RGPD8: variants seen among roughly 807,000 people sequenced by gnomAD.
RGPD8 encodes RANBP2-like and GRIP domain-containing protein 8.
Under a neutral mutation model 89.1 loss-of-function variants are expected in RGPD8, and 15 were observed. That is an observed-to-expected ratio of 0.17 (90% CI 0.11 to 0.26). RGPD8 has a LOEUF of 0.26. RGPD8 is among the 10% of genes least tolerant of loss of function. The pLI, the probability that RGPD8 is intolerant of heterozygous loss-of-function variation, is 1.00. For synonymous variants in RGPD8, 62 were observed against 420.9 expected (o/e 0.15, Z 10.44); for missense variants, 178 against 1,179.6 (o/e 0.15, Z 12.44).
At chr2:112,410,941 T>C (rs1337126117) in intron 7 of RGPD8, among the ~76,000 whole-genome samples, 9 of 152,014 alleles carry the variant, frequency 5.9e-5, no homozygotes, top group Non-Finnish European at 1.3e-4. Flanking sequence ...CAAAATTAGA[T>C]GGGCGTGGTG....
At chr2:112,429,271 AT>A (rs1261540127) in intron 1 of RGPD8, among the ~76,000 whole-genome samples, 8 of 151,774 alleles carry the variant, frequency 5.3e-5, no homozygotes, top group African/African-American at 1.9e-4. Context: ...ATGCTAAAAA[AT>A]TAGCCGAGTG....
At chr2:112,431,919 C>T (rs984708776) in intron 1 of RGPD8, among the ~76,000 whole-genome samples, 5 of 152,214 alleles carry the variant, frequency 3.3e-5, no homozygotes, top group African/African-American at 1.2e-4. Context: ...GGATTACAGG[C>T]GTGAGCCACT....
chr2:112,425,330 T>C (rs989680757), intron 1 of RGPD8, among the ~76,000 whole-genome samples: 7 of 150,096 alleles, frequency 4.7e-5, no homozygotes, highest in African/African-American at 9.8e-5. Context: ...GTCCATGTAC[T>C]GTTCTCTCTA....
rs1255773058 is a variant in RGPD8, at chr2:112,391,714, T to C, written c.2603-645A>G. ...CCCATGTTAATGACAAAACTACCAA[T>C]AGTCATTTGCTTGAACTGTTTTATG... On this transcript the variant is annotated intron_variant, in intron 18 of 22. Transcript: ENST00000302558. 1.6e-5 allele frequency among the ~76,000 whole-genome samples: 2 copies of C among 127,378 alleles called. 1 individual carries two copies. Among genetic ancestry groups the C allele is most frequent in the Non-Finnish European group, 3.4e-5 (2 of 58,392 alleles). 83.6% of individuals were successfully genotyped at this position (127,378 alleles called of 152,430 possible).
chr2:112,377,279 A>AT (rs1678147596), intron 22 of RGPD8, among the ~76,000 whole-genome samples: 1 of 69,522 alleles, frequency 1.4e-5, no homozygotes, highest in Non-Finnish European at 2.6e-5. Context: ...ACTACATCAT[A>AT]GTTTTTTTTT....
chr2:112,420,260 T>C (rs1679528379), intron 4 of RGPD8, among the ~76,000 whole-genome samples: 1 of 46,634 alleles, frequency 2.1e-5, no homozygotes, highest in African/African-American at 9.8e-5. Flanking sequence ...ACTATGGATA[T>C]ACAAAACTTA....
chr2:112,370,746 C>G (rs1348774197), intron 22 of RGPD8, among the ~76,000 whole-genome samples: 2 of 135,136 alleles, frequency 1.5e-5, no homozygotes, highest in Non-Finnish European at 3.2e-5. Flanking sequence ...GTTGAGCCAA[C>G]TTAACAGCTA....
intron 2 of RGPD8, among the ~76,000 whole-genome samples, chr2:112,424,003 A>G (rs1445374965): frequency 6.6e-6 from 1 of 152,244 alleles, no homozygotes; most frequent in Non-Finnish European, 1.5e-5. Flanking sequence ...AAAGTGTTTT[A>G]AGCCAAACAA....
chr2:112,386,071 A>AT (rs1678474955), intron 20 of RGPD8: 1 of 122,818 alleles, frequency 8.1e-6, no homozygotes. Flanking sequence ...GCTAGGAGAA[A>AT]TAACAGTACA....
intron 1 of RGPD8, among the ~76,000 whole-genome samples, chr2:112,430,787 C>A (rs370792265): frequency 7.3e-5 from 11 of 151,684 alleles, no homozygotes; most frequent in African/African-American, 2.7e-4. Context: ...ATGGTAAGAC[C>A]CCGTCTCTAC....
chr2:112,420,169 CAAAAAAAAAAAAAA>C (rs1171607081), intron 4 of RGPD8, among the ~76,000 whole-genome samples: 2 of 26,174 alleles, frequency 7.6e-5, no homozygotes, highest in Non-Finnish European at 6.7e-5. Context: ...GACTCTGTCT[CAAAAAAAAAAAAAA>C]AAAAAAAAAA....
chr2:112,410,886 G>C (rs1381078746), intron 7 of RGPD8, among the ~76,000 whole-genome samples: 84 of 152,396 alleles, frequency 5.5e-4, no homozygotes, highest in African/African-American at 2.0e-3. Context: ...AGGAGCTCAA[G>C]ACCAGCCTGA....
chr2:112,370,359 G>GA (rs1249646916), intron 22 of RGPD8, 147 bp from the exon 23 acceptor site: 2 of 100,748 alleles, frequency 2.0e-5, no homozygotes, highest in African/African-American at 7.1e-5. Context: ...GGGGGGGGGG[G>GA]TTCTTTTTTT....
chr2:112,422,653 T>C lies in RGPD8; in HGVS notation c.147A>G (p.Ile49Met), dbSNP rs1388942499. The C allele has an allele frequency of 6.4e-7, 1 of 1,566,102 alleles. No homozygotes were observed. The highest frequency in any genetic ancestry group is 8.6e-7 in the Non-Finnish European group (1 of 1,158,936). The change falls in exon 3 of 23, where the codon ATA becomes ATG. Residue 49 changes from isoleucine to methionine, a missense_variant. Coordinates refer to ENST00000302558, the MANE Select transcript of RGPD8 (RefSeq NM_001164463.1). Reference protein sequence around the residue: ...AKEYDLAKKYICTYINVQERD... With the variant: ...AKEYDLAKKYMCTYINVQERD... ...TCTCTTGCACATTAATGTAAGTACA[T>C]ATGTATCTGTTTTTTAAAAGTAATA...
At chr2:112,432,645 C>T (rs2458943) in intron 1 of RGPD8, 31 of 984,872 alleles carry the variant, frequency 3.1e-5, no homozygotes, top group Non-Finnish European at 3.6e-5. Context: ...ATGTCCAGGA[C>T]ATGGGAAGAA....
rs201271678 is a variant in RGPD8, at chr2:112,430,447, T to TG, written c.72+2934dup. On this transcript the variant is annotated intron_variant, in intron 1 of 22. Transcript: ENST00000302558. ...GTTCTAATGTAAATGACTTTAAATT[T>TG]GGGGGGGAAAAAAAGACTCTAAGTG... is the stretch of plus-strand genomic sequence containing the variant. Among the ~76,000 whole-genome samples, 825 of 145,118 alleles carry TG rather than the reference T, an allele frequency of 5.7e-3. 2 individuals carry two copies. Among genetic ancestry groups the TG allele is most frequent in the Non-Finnish European group, 9.0e-3 (592 of 66,064 alleles).
chr2:112,415,194 T>C, intron 6 of RGPD8, among the ~76,000 whole-genome samples: 1 of 151,698 alleles, frequency 6.6e-6, no homozygotes, highest in East Asian at 1.9e-4. Context: ...CCATCCTGGC[T>C]AACACGGTGA....
chr2:112,404,700 C>CAAAAA (rs1318458486), intron 8 of RGPD8, among the ~76,000 whole-genome samples: 5 of 45,750 alleles, frequency 1.1e-4, no homozygotes, highest in African/African-American at 4.2e-4. Flanking sequence ...ACTAAAAATA[C>CAAAAA]AAAAAAAAAA....
At position 112,417,208 on chromosome 2, in the gene RGPD8, C is replaced by G. The variant is rs766531431; in HGVS notation, c.767G>C (p.Arg256Thr). ...GTCTACGCACCTTTCCAGTAATTCT[C>G]TATTTTCCTGCACATCTCTAGTGGA... Reference protein sequence around the residue: ...TLSTRDVQENRELLESFDSAL... With the variant: ...TLSTRDVQENTELLESFDSAL... Residue 256 changes from arginine (R) to threonine (T), a missense_variant, in exon 6 of 23, where the codon AGA becomes ACA. Coordinates refer to ENST00000302558, the MANE Select transcript of RGPD8 (RefSeq NM_001164463.1). 1 of 1,609,624 alleles carries G rather than the reference C, an allele frequency of 6.2e-7. No individual in the cohort carries two copies. The highest frequency in any genetic ancestry group is 1.7e-5 in the Admixed American group (1 of 59,968).
Sources: gnomAD v4.1 joint callset for allele counts (sites outside exome capture counted in the v4.1 genomes callset) on GRCh38, gnomAD v4.1.1 for gene constraint, MANE v1.5 for transcripts, NCBI Gene and HGNC (gene_info 2026-07-23, HGNC 2026-07-21) for gene names.